NETO1: variants seen among roughly 807,000 people sequenced by gnomAD.
NETO1 encodes the protein neuropilin and tolloid like 1.
In NETO1, 26 loss-of-function variants were observed where a neutral mutation model predicts 61.3. That is an observed-to-expected ratio of 0.42 (90% CI 0.31 to 0.59). The LOEUF (loss-of-function observed/expected upper bound fraction) is 0.59. NETO1 is among the 20% of genes least tolerant of loss of function. NETO1 has a pLI of 0.12. For missense variants in NETO1, 531 were observed against 662.8 expected (o/e 0.80, Z 2.18); for synonymous variants, 225 against 225.8 (o/e 1.00, Z 0.03).
chr18:72,853,243 T>G (rs2074309773), intron 4 of NETO1: 1 of 152,194 alleles, frequency 6.6e-6, no homozygotes. Context: ...CTCCTTACCT[T>G]TTCCATTTAA....
chr18:72,861,003 G>C (rs1568273734), intron 3 of NETO1, among the ~76,000 whole-genome samples: 1 of 152,166 alleles, frequency 6.6e-6, no homozygotes, highest in Non-Finnish European at 1.5e-5. Flanking sequence ...TAAGGCTAGG[G>C]AAAGATAGAG....
chr18:72,849,195 CTTAAAG>C, intron 4 of NETO1, among the ~76,000 whole-genome samples: 1 of 152,266 alleles, frequency 6.6e-6, no homozygotes, highest in East Asian at 1.9e-4. Context: ...CAATAAATTC[CTTAAAG>C]TTAAATATCC....
rs1599155896 is a variant in NETO1, at chr18:72,778,637, A to G, written c.868+5041T>C. ...GAACTTTCCTCCATTGTCTAAAAACATATTCCTCATTCCCATTTGAAAGCT... is the reference window on the plus strand; with the variant it reads ...GAACTTTCCTCCATTGTCTAAAAACGTATTCCTCATTCCCATTTGAAAGCT... On this transcript the variant is annotated intron_variant, in intron 7 of 10. Coordinates refer to ENST00000327305, the MANE Select transcript of NETO1 (RefSeq NM_138966.5). Among the ~76,000 whole-genome samples, 3 of 152,304 alleles carry G rather than the reference A, an allele frequency of 2.0e-5. No individual in the cohort carries two copies. In the South Asian group the frequency reaches 6.2e-4, roughly 32 times the overall value.
intron 4 of NETO1, among the ~76,000 whole-genome samples, chr18:72,795,991 T>C (rs538791447): frequency 6.6e-6 from 1 of 152,308 alleles, no homozygotes; most frequent in African/African-American, 2.4e-5. Context: ...GAACTTGGCA[T>C]ACGATTTAAA....
intron 8 of NETO1, among the ~76,000 whole-genome samples, chr18:72,750,991 T>C (rs2145079877): frequency 7.4e-6 from 1 of 134,432 alleles, no homozygotes; most frequent in South Asian, 2.3e-4. Flanking sequence ...TCACAAAAAA[T>C]ACACTGACCA....
intron 4 of NETO1, among the ~76,000 whole-genome samples, chr18:72,852,643 T>A (rs1362350481): frequency 4.6e-5 from 7 of 152,150 alleles, no homozygotes; most frequent in African/African-American, 1.7e-4. Flanking sequence ...GCTTTTCTCC[T>A]GAACACCCAC....
chr18:72,789,601 C>A (rs1242503783), intron 6 of NETO1, among the ~76,000 whole-genome samples: 1 of 152,080 alleles, frequency 6.6e-6, no homozygotes, highest in Non-Finnish European at 1.5e-5. Flanking sequence ...TTAAATAACA[C>A]CCATGTACTA....
At chr18:72,858,576 T>C (rs2074473381) in intron 4 of NETO1, among the ~76,000 whole-genome samples, 1 of 152,150 alleles carries the variant, frequency 6.6e-6, no homozygotes, top group Non-Finnish European at 1.5e-5. Context: ...AAAGTCCACT[T>C]GATGATGTGG....
Position 72,749,102 on chromosome 18 carries a change from G to A in NETO1, c.1542-14C>T. 9 of 1,501,944 alleles carry A rather than the reference G, an allele frequency of 6.0e-6. No homozygotes were observed. The highest frequency in any genetic ancestry group is 8.3e-6 in the Non-Finnish European group (9 of 1,079,780). 93.0% of individuals were successfully genotyped at this position (1,501,944 alleles called of 1,614,324 possible). ...ATGAGGCAGAACCTGGAATGTTATGGCTATTTCATTCAACAAAGTACTATT... is the reference window on the plus strand; with the variant it reads ...ATGAGGCAGAACCTGGAATGTTATGACTATTTCATTCAACAAAGTACTATT... On this transcript the variant is annotated splice_polypyrimidine_tract_variant and intron_variant, in intron 9 of 10. Coordinates refer to ENST00000327305, the MANE Select transcript of NETO1 (RefSeq NM_138966.5).
intron 4 of NETO1, among the ~76,000 whole-genome samples, chr18:72,839,521 G>A (rs2073855598): frequency 6.6e-6 from 1 of 152,194 alleles, no homozygotes; most frequent in Non-Finnish European, 1.5e-5. Flanking sequence ...AGGTTTAAGT[G>A]CCTAAAGGAC....
chr18:72,857,983 A>C (rs1184001626), intron 4 of NETO1, among the ~76,000 whole-genome samples: 2 of 152,174 alleles, frequency 1.3e-5, no homozygotes, highest in Non-Finnish European at 2.9e-5. Context: ...AACTTCAACC[A>C]ACTTTACATA....
intron 6 of NETO1, among the ~76,000 whole-genome samples, chr18:72,791,288 T>C (rs113834864): frequency 2.0e-5 from 3 of 152,360 alleles, no homozygotes; most frequent in South Asian, 2.1e-4. Flanking sequence ...AGCACTTTCT[T>C]TGTGCAATAT....
intron 4 of NETO1, among the ~76,000 whole-genome samples, chr18:72,848,476 C>A (rs534674418): frequency 6.6e-6 from 1 of 152,172 alleles, no homozygotes; most frequent in South Asian, 2.1e-4. Context: ...CCATAAAATT[C>A]AAGAAATATG....
intron 2 of NETO1, 55 bp from the exon 3 acceptor site, chr18:72,865,000 A>C: frequency 6.5e-7 from 1 of 1,546,854 alleles, no homozygotes; most frequent in South Asian, 1.2e-5. Context: ...TTTCTATTGT[A>C]CTAAAAATAG....
chr18:72,828,160 A>T (rs866748146), intron 4 of NETO1, among the ~76,000 whole-genome samples: 1 of 152,198 alleles, frequency 6.6e-6, no homozygotes, highest in Non-Finnish European at 1.5e-5. Context: ...TAAATACAAA[A>T]ATTAGCCAGG....
At chr18:72,850,265 T>TA (rs145676170) in intron 4 of NETO1, among the ~76,000 whole-genome samples, 6,772 of 152,262 alleles carry the variant, frequency 0.044, 518 homozygotes, top group African/African-American at 0.16. Flanking sequence ...AGTGGATCAA[T>TA]AAACAGTTGT....
rs1171441722 is a variant in NETO1 at position 72,794,350 on chromosome 18, C to T, written c.511+13G>A. 6.8e-6 allele frequency: 11 copies of T among 1,612,482 alleles called. No homozygotes were observed. Among genetic ancestry groups the T allele is most frequent in the Non-Finnish European group, 9.3e-6 (11 of 1,179,578 alleles). ...AAGTCTTCTGAACAGTATTAAATATCTATTTTACCAACCTGGTAATGGTTT... is the reference window on the plus strand; with the variant it reads ...AAGTCTTCTGAACAGTATTAAATATTTATTTTACCAACCTGGTAATGGTTT... On this transcript the variant is annotated intron_variant, in intron 5 of 10. Coordinates refer to ENST00000327305, the MANE Select transcript of NETO1 (RefSeq NM_138966.5).
chr18:72,759,391 T>C (rs972530164), intron 7 of NETO1, among the ~76,000 whole-genome samples: 52 of 152,364 alleles, frequency 3.4e-4, no homozygotes, highest in African/African-American at 1.1e-3. Flanking sequence ...TTTTTGTATA[T>C]ATTTGAGGCT....
chr18:72,862,529 T>A lies in NETO1; in HGVS notation c.220+2279A>T, dbSNP rs72968401. ...TTTTCTGGGATGGCAATTCCGTCTA[T>A]CTAACAAGTTATCGAGCAACAAATA... On this transcript the variant is annotated intron_variant, in intron 3 of 10. Transcript: ENST00000327305. Among the ~76,000 whole-genome samples, 824 of 152,246 alleles carry A rather than the reference T, an allele frequency of 5.4e-3. 7 individuals carry two copies. Among genetic ancestry groups the A allele is most frequent in the South Asian group, 0.042 (204 of 4,826 alleles).
Sources: gnomAD v4.1 joint callset for allele counts (sites outside exome capture counted in the v4.1 genomes callset) on GRCh38, gnomAD v4.1.1 for gene constraint, MANE v1.5 for transcripts, NCBI Gene and HGNC (gene_info 2026-07-23, HGNC 2026-07-21) for gene names.